CEP290: variants seen among roughly 807,000 people sequenced by gnomAD.
CEP290 encodes centrosomal protein of 290 kDa.
CEP290 carries 317 observed loss-of-function variants against 344.9 expected under a neutral mutation model. The observed-to-expected ratio is 0.92, with a 90% confidence interval of 0.84 to 1.01. The LOEUF (loss-of-function observed/expected upper bound fraction) is 1.01. Among genes scored for constraint, CEP290 ranks in the 50% least tolerant of loss-of-function variants. The probability of loss-of-function intolerance (pLI) is 0.00; values close to 1 mark genes in which losing one functional copy is unlikely to be tolerated. For missense variants in CEP290, 2,754 were observed against 2,761.4 expected, an observed-to-expected ratio of 1.00 and a Z score of 0.06; for synonymous variants, 932 against 895.8, an observed-to-expected ratio of 1.04 and a Z score of -0.72.
chr12:88,086,014 T>C (rs371868525), intron 34 of CEP290, 25 bp downstream of exon 34: 23 of 1,589,052 alleles, frequency 1.4e-5, no homozygotes, highest in Middle Eastern at 3.3e-4. Flanking sequence ...AATACACTAA[T>C]CAAAATGCAA....
rs1283291449 is a variant in CEP290, at chr12:88,068,592, T to C, written c.6065A>G (p.Asn2022Ser). 3.8e-6 allele frequency: 6 copies of C among 1,592,224 alleles called. No individual in the cohort carries two copies. The highest frequency in any genetic ancestry group is 5.1e-6 in the Non-Finnish European group (6 of 1,172,334). ...DSVVEDLHLQ[N>S]RYLQEKLHAL... ...ATGAAGTTTTTCTTGGAGGTATCTA[T>C]TTTGTAAATGTAAATCTTCTACAAC... Residue 2022 changes from asparagine to serine, a missense_variant, in exon 44 of 54, where the codon AAT becomes AGT. Coordinates refer to ENST00000552810, the MANE Select transcript of CEP290 (RefSeq NM_025114.4).
In CEP290 at chr12:88,083,705, A is replaced by G. The variant is rs2036359495; in HGVS notation, c.4812+142T>C. Reference sequence around the variant, plus strand: ...TGAACAGCGGTGAGCTACAGGAGGAAGAATGATCAGAGCTATGTTTTCAGA... The same window carrying G: ...TGAACAGCGGTGAGCTACAGGAGGAGGAATGATCAGAGCTATGTTTTCAGA... On this transcript the variant is annotated intron_variant, in intron 36 of 53. Coordinates refer to ENST00000552810, the MANE Select transcript of CEP290 (RefSeq NM_025114.4). The G allele has an allele frequency of 4.8e-6, 3 of 629,162 alleles. No homozygotes were observed. The South Asian group carries it at 6.1e-5, about 13-fold the overall frequency. 39.0% of individuals were successfully genotyped at this position (629,162 alleles called of 1,614,324 possible). A position where few individuals can be genotyped will look rare whatever the true frequency, so the allele number is the denominator to read the frequency against.
chr12:88,129,667 A>G, intron 10 of CEP290, 27 bp downstream of exon 10: 1 of 1,259,584 alleles, frequency 7.9e-7, no homozygotes, highest in Non-Finnish European at 1.1e-6. Flanking sequence ...GTCTGAATAA[A>G]TAAGTTATTC....
At position 88,074,839 on chromosome 12, in the gene CEP290, G is replaced by T. The variant is rs2035640344; in HGVS notation, c.5709+2383C>A. Reference sequence around the variant, plus strand: ...AGAACTGAACATGTGGAGGTTTCTAGAGGAAGGTGGCACCCCAGAAAGGCA... The same window carrying T: ...AGAACTGAACATGTGGAGGTTTCTATAGGAAGGTGGCACCCCAGAAAGGCA... On this transcript the variant is annotated intron_variant, in intron 41 of 53. Transcript: ENST00000552810. 2.0e-5 allele frequency among the ~76,000 whole-genome samples: 3 copies of T among 152,198 alleles called. No homozygotes were observed. In the South Asian group the frequency reaches 6.2e-4, roughly 32 times the overall value.
chr12:88,062,847 A>G, intron 45 of CEP290, 69 bp from the exon 46 acceptor site: 1 of 950,350 alleles, frequency 1.1e-6, no homozygotes, highest in Non-Finnish European at 1.6e-6. Flanking sequence ...AAGGCAAACA[A>G]TTCATAAGAA....
chr12:88,112,741 G>A (rs777661515), intron 20 of CEP290, among the ~76,000 whole-genome samples: 13 of 152,080 alleles, frequency 8.5e-5, no homozygotes, highest in Non-Finnish European at 1.5e-4. Context: ...TAGTAGATTT[G>A]TAAAAGCCTT....
intron 3 of CEP290, among the ~76,000 whole-genome samples, chr12:88,139,780 T>G (rs996645663): frequency 6.6e-6 from 1 of 152,166 alleles, no homozygotes; most frequent in East Asian, 1.9e-4. Flanking sequence ...CAGGCTGGAG[T>G]GCAGTGGCAC....
intron 6 of CEP290, among the ~76,000 whole-genome samples, chr12:88,132,469 T>G (rs2040131532): frequency 6.6e-6 from 1 of 152,208 alleles, no homozygotes; most frequent in Admixed American, 6.5e-5. Context: ...ATATTAAAAT[T>G]CCTGAGCATG....
chr12:88,137,414 C>T (rs562872753), intron 5 of CEP290, among the ~76,000 whole-genome samples: 2 of 152,296 alleles, frequency 1.3e-5, no homozygotes, highest in East Asian at 3.9e-4. Flanking sequence ...TTTTGGTTAT[C>T]TTAAGATTTG....
rs2034220658 is a variant in CEP290, at chr12:88,058,745, T to A, written c.6818+103A>T. 4 of 1,096,062 alleles carry A rather than the reference T, an allele frequency of 3.6e-6. No homozygotes were observed. The South Asian group carries it at 5.8e-5, about 16-fold the overall frequency. The allele number at this position is 1,096,062 out of a possible 1,614,324, so 67.9% of individuals were successfully genotyped here. A position where few individuals can be genotyped will look rare whatever the true frequency, so the allele number is the denominator to read the frequency against. On this transcript the variant is annotated intron_variant, in intron 49 of 53. Transcript: ENST00000552810. ...TTAAAACAACAACCAAACAAACTGT[T>A]CATCAGGAAGAAACCAGGTTATCCA...
chr12:88,058,776 G>T, intron 49 of CEP290, 72 bp downstream of exon 49: 1 of 1,427,020 alleles, frequency 7.0e-7, no homozygotes, highest in Non-Finnish European at 9.7e-7. Flanking sequence ...ATCCAGAATA[G>T]TGTTGTCTTT....
In CEP290 at chr12:88,126,256, C is replaced by T. The variant is rs1044301810; in HGVS notation, c.1065+60G>A. On this transcript the variant is annotated intron_variant, in intron 12 of 53. Transcript: ENST00000552810. Reference sequence around the variant, plus strand: ...TGATGATATAATAAATAAAAGACATCGTTCAGAGTTCCAACTGTAATAAAA... The same window carrying T: ...TGATGATATAATAAATAAAAGACATTGTTCAGAGTTCCAACTGTAATAAAA... 6.8e-6 allele frequency: 9 copies of T among 1,319,898 alleles called. No individual in the cohort carries two copies. The South Asian group carries it at 7.7e-5, about 11-fold the overall frequency. 81.8% of individuals were successfully genotyped at this position (1,319,898 alleles called of 1,614,324 possible). A position where few individuals can be genotyped will look rare whatever the true frequency, so the allele number is the denominator to read the frequency against.
At chr12:88,109,601 T>G (rs928719049) in intron 22 of CEP290, among the ~76,000 whole-genome samples, 1 of 152,178 alleles carries the variant, frequency 6.6e-6, no homozygotes, top group African/African-American at 2.4e-5. Flanking sequence ...CACTTGGCAA[T>G]CATTTTTACC....
intron 6 of CEP290, among the ~76,000 whole-genome samples, chr12:88,132,506 G>T (rs2040134227): frequency 2.0e-5 from 3 of 152,262 alleles, no homozygotes; most frequent in East Asian, 3.9e-4. Flanking sequence ...CATTGTAGGA[G>T]AACATCTTTC....
chr12:88,074,519 T>C (rs1399982686), intron 41 of CEP290, among the ~76,000 whole-genome samples: 3 of 152,158 alleles, frequency 2.0e-5, no homozygotes, highest in Non-Finnish European at 1.5e-5. Flanking sequence ...TTATTACATA[T>C]AGGCTTTTTT....
intron 43 of CEP290, among the ~76,000 whole-genome samples, chr12:88,070,051 C>T (rs1461315562): frequency 1.3e-5 from 2 of 152,120 alleles, no homozygotes; most frequent in African/African-American, 4.8e-5. Flanking sequence ...TTTTCACGAC[C>T]ATGACTGTAT....
intron 52 of CEP290, 26 bp from the exon 53 acceptor site, chr12:88,050,459 A>G: frequency 8.4e-7 from 1 of 1,194,480 alleles, no homozygotes; most frequent in Non-Finnish European, 1.2e-6. Context: ...TACAAATTAG[A>G]CTCAGCTTTT....
At chr12:88,139,726 T>G (rs756769440) in intron 3 of CEP290, among the ~76,000 whole-genome samples, 162 bp from the exon 4 acceptor site, 1 of 152,168 alleles carries the variant, frequency 6.6e-6, no homozygotes, top group Non-Finnish European at 1.5e-5. Flanking sequence ...TTGGTTTTTG[T>G]TTTTGTTTTT....
In CEP290 at chr12:88,093,793, C is replaced by G; in HGVS notation, c.3286G>C (p.Glu1096Gln). The G allele has an allele frequency of 6.2e-7, 1 of 1,609,718 alleles. No individual in the cohort carries two copies. Among genetic ancestry groups the G allele is most frequent in the Non-Finnish European group, 8.5e-7 (1 of 1,177,574 alleles). The change falls in exon 28 of 54, where the codon GAA becomes CAA. Residue 1096 changes from glutamate (E) to glutamine (Q), a missense_variant. Coordinates refer to ENST00000552810, the MANE Select transcript of CEP290 (RefSeq NM_025114.4). The stretch of plus-strand genomic sequence containing the variant: ...ACCTCAGCAAATTTGGTTTCCAATT[C>G]AAAATTACGTTCCTCCATTTGCTTT... ...SLKQMEERNF[E>Q]LETKFAELTK... is the part of the protein sequence containing the mutation.
Sources: gnomAD v4.1 joint callset for allele counts (sites outside exome capture counted in the v4.1 genomes callset) on GRCh38, gnomAD v4.1.1 for gene constraint, MANE v1.5 for transcripts, NCBI Gene and HGNC (gene_info 2026-07-23, HGNC 2026-07-21) for gene names.